Variants in PBX1 observed in about 807,000 individuals in gnomAD.
PBX1 encodes the protein pre-B-cell leukemia transcription factor 1.
Under a neutral mutation model 53.4 loss-of-function variants are expected in PBX1, and 6 were observed. The ratio of observed to expected loss-of-function variants is 0.11; its 90% CI spans 0.06 to 0.22. PBX1 has a LOEUF of 0.22. Among genes scored for constraint, PBX1 ranks in the 10% least tolerant of loss-of-function variants. PBX1 has a pLI of 1.00. For synonymous variants in PBX1, 204 were observed against 212.3 expected (o/e 0.96, Z 0.34); for missense variants, 251 against 551.4 (o/e 0.46, Z 5.46).
At chr1:164,587,731 G>A (rs751715361) in intron 2 of PBX1, among the ~76,000 whole-genome samples, 4 of 152,114 alleles carry the variant, frequency 2.6e-5, no homozygotes, top group Non-Finnish European at 5.9e-5. Context: ...CGTTTTGTGC[G>A]GATGAGGCAC....
intron 2 of PBX1, among the ~76,000 whole-genome samples, chr1:164,702,315 C>A (rs1231938778): frequency 6.6e-6 from 1 of 152,062 alleles, no homozygotes; most frequent in Admixed American, 6.5e-5. Flanking sequence ...TAAGAGGATA[C>A]CCTGAGCTCA....
chr1:164,645,293 G>C (rs1170566252), intron 2 of PBX1, among the ~76,000 whole-genome samples: 1 of 152,142 alleles, frequency 6.6e-6, no homozygotes, highest in Non-Finnish European at 1.5e-5. Flanking sequence ...GCCAGCAGAG[G>C]CCAGACCTTT....
At chr1:164,586,152 T>C (rs1654939385) in intron 2 of PBX1, among the ~76,000 whole-genome samples, 1 of 152,206 alleles carries the variant, frequency 6.6e-6, no homozygotes, top group Non-Finnish European at 1.5e-5. Flanking sequence ...ACACATCTTA[T>C]GTTTAGGGGT....
chr1:164,707,414 T>TGAGAGAGAGAGA (rs1335251572), intron 2 of PBX1, among the ~76,000 whole-genome samples: 4 of 106,696 alleles, frequency 3.7e-5, no homozygotes, highest in African/African-American at 1.8e-4. Context: ...TGTGTGTGTG[T>TGAGAGAGAGAGA]GTGTGAGAGA....
At chr1:164,755,578 G>T (rs1035907634) in intron 2 of PBX1, among the ~76,000 whole-genome samples, 5 of 151,856 alleles carry the variant, frequency 3.3e-5, no homozygotes, top group African/African-American at 4.8e-5. Context: ...TTTTTTTAAA[G>T]AAATGAATTC....
intron 2 of PBX1, among the ~76,000 whole-genome samples, chr1:164,863,077 G>A (rs2102444556): frequency 6.6e-6 from 1 of 152,276 alleles, no homozygotes. Flanking sequence ...AGCATCATTT[G>A]CTGAGTGTGG....
intron 2 of PBX1, among the ~76,000 whole-genome samples, chr1:164,586,385 C>T (rs1377607116): frequency 3.3e-5 from 5 of 152,108 alleles, no homozygotes; most frequent in Admixed American, 6.6e-5. Flanking sequence ...GCATGCTTTC[C>T]CCTTTTCATT....
rs148894297 is a variant in PBX1, at chr1:164,843,137, G to A, written c.1201-3447G>A. ...CAGCTAGAATGATACAGCTGAAGCA[G>A]CCGAAGTGATTTACAGGAAACCCAG... On this transcript the variant is annotated intron_variant, in intron 8 of 8. Coordinates refer to ENST00000420696, the MANE Select transcript of PBX1 (RefSeq NM_002585.4). 7.9e-5 allele frequency among the ~76,000 whole-genome samples: 12 copies of A among 152,254 alleles called. No homozygotes were observed. In the East Asian group the frequency reaches 1.7e-3, roughly 22 times the overall value.
chr1:164,849,040 CAGT>C lies in PBX1; in HGVS notation c.*2365_*2367del. 2 of 1,244,092 alleles carry C rather than the reference CAGT, an allele frequency of 1.6e-6. No individual in the cohort carries two copies. The highest frequency in any genetic ancestry group is 1.0e-6 in the Non-Finnish European group (1 of 986,914). 77.1% of individuals were successfully genotyped at this position (1,244,092 alleles called of 1,614,324 possible). On this transcript the variant is annotated 3_prime_UTR_variant, in exon 9 of 9. Coordinates refer to ENST00000420696, the MANE Select transcript of PBX1 (RefSeq NM_002585.4). Reference sequence around the variant, plus strand: ...GTGACAACTTCATAGTGATTAGAATCAGTGGAGAACTCCATCTTAGTGGCAGGA... The same window carrying C: ...GTGACAACTTCATAGTGATTAGAATCGGAGAACTCCATCTTAGTGGCAGGA...
chr1:164,820,094 G>A lies in PBX1; in HGVS notation c.1020G>A (p.Met340Ile). ...NSAGSSSSFN[M>I]SNSGDLFMSV... ...CAGGTTCTTCCAGTTCTTTTAACATGTCAAACTCTGGAGATTTGTTCATGA... is the reference window on the plus strand; with the variant it reads ...CAGGTTCTTCCAGTTCTTTTAACATATCAAACTCTGGAGATTTGTTCATGA... Residue 340 changes from methionine to isoleucine, a missense_variant, in exon 7 of 9, where the codon ATG becomes ATA. Met to Ile is a conservative substitution (Grantham distance 10, BLOSUM62 1). Coordinates refer to ENST00000420696, the MANE Select transcript of PBX1 (RefSeq NM_002585.4). 1.2e-6 allele frequency: 2 copies of A among 1,612,448 alleles called. No individual in the cohort carries two copies. Among genetic ancestry groups the A allele is most frequent in the Non-Finnish European group, 1.7e-6 (2 of 1,178,866 alleles).
At chr1:164,693,760 A>G (rs755345839) in intron 2 of PBX1, among the ~76,000 whole-genome samples, 9 of 152,278 alleles carry the variant, frequency 5.9e-5, no homozygotes, top group South Asian at 2.1e-4. Flanking sequence ...CATGTAGCCA[A>G]TGAAGAACAG....
At chr1:164,866,920 G>C (rs1358556050) in intron 2 of PBX1, among the ~76,000 whole-genome samples, 1 of 152,180 alleles carries the variant, frequency 6.6e-6, no homozygotes, top group Non-Finnish European at 1.5e-5. Flanking sequence ...TGTGGGACCT[G>C]ACTCCTGATA....
chr1:164,830,899 G>C (rs775871565), intron 8 of PBX1, among the ~76,000 whole-genome samples: 2 of 152,098 alleles, frequency 1.3e-5, no homozygotes, highest in African/African-American at 4.8e-5. Context: ...ACAATTTAAC[G>C]AGATCCCCTG....
chr1:164,625,483 T>C (rs1240709243), intron 2 of PBX1, among the ~76,000 whole-genome samples: 1 of 152,206 alleles, frequency 6.6e-6, no homozygotes, highest in African/African-American at 2.4e-5. Context: ...AAGGAAGCCC[T>C]GAAGGAAGAT....
chr1:164,845,347 G>A (rs1227350193), intron 8 of PBX1, among the ~76,000 whole-genome samples: 4 of 139,134 alleles, frequency 2.9e-5, no homozygotes, highest in African/African-American at 1.0e-4. Context: ...CAGGTGCCAT[G>A]GAGTATGCAA....
intron 2 of PBX1, among the ~76,000 whole-genome samples, chr1:164,618,810 CA>C (rs1343195165): frequency 7.9e-5 from 12 of 152,212 alleles, no homozygotes; most frequent in African/African-American, 2.9e-4. Flanking sequence ...GTTTAATAGG[CA>C]TTGGTTGATT....
intron 2 of PBX1, among the ~76,000 whole-genome samples, chr1:164,696,999 C>T (rs1273519216): frequency 1.3e-5 from 2 of 152,080 alleles, no homozygotes; most frequent in African/African-American, 4.8e-5. Flanking sequence ...AGCAGGTTAC[C>T]TAATTTTCAT....
At chr1:164,799,253 G>T (rs1032505983) in intron 3 of PBX1, among the ~76,000 whole-genome samples, 1 of 152,208 alleles carries the variant, frequency 6.6e-6, no homozygotes, top group Non-Finnish European at 1.5e-5. Flanking sequence ...CACTTTGGGA[G>T]GCCGAGGCGG....
chr1:164,591,218 G>A (rs1280656778), intron 2 of PBX1, among the ~76,000 whole-genome samples: 1 of 152,012 alleles, frequency 6.6e-6, no homozygotes, highest in Admixed American at 6.6e-5. Flanking sequence ...CACCATGTTG[G>A]CCAGGATGGT....
Sources: gnomAD v4.1 joint callset for allele counts (sites outside exome capture counted in the v4.1 genomes callset) on GRCh38, gnomAD v4.1.1 for gene constraint, MANE v1.5 for transcripts, NCBI Gene and HGNC (gene_info 2026-07-23, HGNC 2026-07-21) for gene names.